The following CHST12 variants were observed in gnomAD, a reference collection of about 807,000 sequenced individuals.
The protein encoded by CHST12 is carbohydrate sulfotransferase 12, also known as carbohydrate (chondroitin 4) sulfotransferase 12.
CHST12 carries 23 observed loss-of-function variants against 27.9 expected under a neutral mutation model. That is an observed-to-expected ratio of 0.82 (90% CI 0.59 to 1.17). The LOEUF (loss-of-function observed/expected upper bound fraction) is 1.17, where lower values mean the gene tolerates loss of function less well. CHST12 is among the 50% of genes most tolerant of loss of function. CHST12 has a pLI of 0.00. For synonymous variants in CHST12, 322 were observed against 273.0 expected (o/e 1.18, Z -1.77); for missense variants, 682 against 603.0 (o/e 1.13, Z -1.37).
chr7:2,425,227 C>CAAAAA (rs34629622), intron 1 of CHST12, among the ~76,000 whole-genome samples: 1 of 136,952 alleles, frequency 7.3e-6, no homozygotes, highest in East Asian at 2.1e-4. Flanking sequence ...AAACAACAAA[C>CAAAAA]AAAAAAAAAA....
At chr7:2,426,942 G>A (rs1258600188) in intron 1 of CHST12, among the ~76,000 whole-genome samples, 1 of 152,120 alleles carries the variant, frequency 6.6e-6, no homozygotes, top group African/African-American at 2.4e-5. Context: ...AGTGAGCCAA[G>A]ATCATGCCAC....
rs1782428775 is a variant in CHST12, at chr7:2,434,633, G to T, written c.*749G>T. The T allele has an allele frequency of 6.7e-6, 1 of 149,100 alleles. No homozygotes were observed. The highest frequency in any genetic ancestry group is 1.4e-5 in the Non-Finnish European group (1 of 70,262). The allele number at this position is 149,100 out of a possible 1,614,324, so 9.2% of individuals were successfully genotyped here. A position where few individuals can be genotyped will look rare whatever the true frequency, so the allele number is the denominator to read the frequency against. On this transcript the variant is annotated 3_prime_UTR_variant, in exon 2 of 2. Coordinates refer to ENST00000618655, the MANE Select transcript of CHST12 (RefSeq NM_018641.5). The stretch of plus-strand genomic sequence containing the variant: ...AAAAAAAAATGAGTCGGGTGTGGTG[G>T]TGTGCACCTGTAGTCCCAGCTACTC...
rs907976449 is a variant in CHST12, at chr7:2,434,094, T to TCTCCC, written c.*215_*219dup. On this transcript the variant is annotated 3_prime_UTR_variant, in exon 2 of 2. Transcript: ENST00000618655. ...GGGAATGCTGGAGTAAAATATCCCC[T>TCTCCC]CTCCCCTCCGCCCGCCCACCCGCCC... The TCTCCC allele has an allele frequency of 4.7e-6, 2 of 424,766 alleles. No individual in the cohort carries two copies. The highest frequency in any genetic ancestry group is 8.5e-6 in the Non-Finnish European group (2 of 235,970). The allele number at this position is 424,766 out of a possible 1,614,324, so 26.3% of individuals were successfully genotyped here. A position where few individuals can be genotyped will look rare whatever the true frequency, so the allele number is the denominator to read the frequency against.
intron 1 of CHST12, among the ~76,000 whole-genome samples, chr7:2,410,074 G>A (rs1432058046): frequency 1.3e-5 from 2 of 152,088 alleles, no homozygotes; most frequent in Non-Finnish European, 2.9e-5. Flanking sequence ...GAGCCGCCAC[G>A]CCCGGCCGAG....
chr7:2,408,398 G>T (rs1326221015), intron 1 of CHST12, among the ~76,000 whole-genome samples: 1 of 146,026 alleles, frequency 6.8e-6, no homozygotes, highest in African/African-American at 2.5e-5. Context: ...AAAGATCCTT[G>T]CGTACCCTCT....
At chr7:2,419,350 A>C (rs890754406) in intron 1 of CHST12, among the ~76,000 whole-genome samples, 1 of 146,772 alleles carries the variant, frequency 6.8e-6, no homozygotes, top group African/African-American at 2.6e-5. Flanking sequence ...GCAGTGAGCC[A>C]AGATCACGCC....
At chr7:2,418,861 A>G (rs1320932835) in intron 1 of CHST12, among the ~76,000 whole-genome samples, 1 of 152,182 alleles carries the variant, frequency 6.6e-6, no homozygotes, top group Non-Finnish European at 1.5e-5. Context: ...CAACGGCACA[A>G]TCATAGCTTA....
Position 2,432,661 on chromosome 7 carries a change from C to T in CHST12, c.22C>T (p.Arg8Trp), listed in dbSNP as rs375672884. The T allele has an allele frequency of 2.5e-6, 4 of 1,609,850 alleles. No homozygotes were observed. Among genetic ancestry groups the T allele is most frequent in the African/African-American group, 1.3e-5 (1 of 75,000 alleles). MTKARLF[R>W]LWLVLGSVFM... Reference sequence around the variant, plus strand: ...CAGGATGACCAAGGCCCGGCTGTTCCGGCTGTGGCTGGTGCTGGGGTCGGT... The same window carrying T: ...CAGGATGACCAAGGCCCGGCTGTTCTGGCTGTGGCTGGTGCTGGGGTCGGT... Residue 8 changes from arginine (R) to tryptophan (W), a missense_variant, in exon 2 of 2, where the codon CGG becomes TGG. Coordinates refer to ENST00000618655, the MANE Select transcript of CHST12 (RefSeq NM_018641.5).
At chr7:2,431,556 G>A (rs1338395115) in intron 1 of CHST12, among the ~76,000 whole-genome samples, 1 of 152,172 alleles carries the variant, frequency 6.6e-6, no homozygotes, top group Non-Finnish European at 1.5e-5. Flanking sequence ...GCCAGGTGGG[G>A]TCAAGGCTTA....
chr7:2,428,717 G>A (rs1423158063), intron 1 of CHST12, among the ~76,000 whole-genome samples: 1 of 152,160 alleles, frequency 6.6e-6, no homozygotes, highest in Non-Finnish European at 1.5e-5. Context: ...AATATAGCAT[G>A]TGCATCAGTA....
rs542537613 is a variant in CHST12 at position 2,445,116 on chromosome 7, G to T, written c.*11232G>T. 1.3e-5 allele frequency: 2 copies of T among 152,296 alleles called. No homozygotes were observed. The highest frequency in any genetic ancestry group is 3.9e-4 in the East Asian group (2 of 5,166). 9.4% of individuals were successfully genotyped at this position (152,296 alleles called of 1,614,324 possible). ...TGAAAGTGGTCTGGGCTTCTAAAAG[G>T]TTTGATTGAAAACTGGTTTGGTTCT... On this transcript the variant is annotated 3_prime_UTR_variant, in exon 2 of 2. Coordinates refer to ENST00000618655, the MANE Select transcript of CHST12 (RefSeq NM_018641.5).
intron 1 of CHST12, among the ~76,000 whole-genome samples, chr7:2,412,833 A>G (rs1281512926): frequency 6.6e-6 from 1 of 152,170 alleles, no homozygotes; most frequent in African/African-American, 2.4e-5. Flanking sequence ...AGCCCTTAGA[A>G]CATCACTTTT....
intron 1 of CHST12, among the ~76,000 whole-genome samples, chr7:2,425,775 G>C (rs957792161): frequency 5.4e-5 from 8 of 149,246 alleles, no homozygotes; most frequent in Admixed American, 1.3e-4. Flanking sequence ...CTGTCTATTT[G>C]ATCTTTATTT....
chr7:2,437,090 A>G lies in CHST12; in HGVS notation c.*3206A>G, dbSNP rs1782492013. The G allele has an allele frequency of 6.6e-6, 1 of 152,278 alleles. No homozygotes were observed. Among genetic ancestry groups the G allele is most frequent in the African/African-American group, 2.4e-5 (1 of 41,474 alleles). The allele number at this position is 152,278 out of a possible 1,614,324, so 9.4% of individuals were successfully genotyped here. On this transcript the variant is annotated 3_prime_UTR_variant, in exon 2 of 2. Transcript: ENST00000618655. ...TTTTCTTTTTCCACTGAAACACAGC[A>G]AATTATACATTTTATGAAAATTGGC...
chr7:2,418,693 C>G (rs996460596), intron 1 of CHST12, among the ~76,000 whole-genome samples: 5 of 152,324 alleles, frequency 3.3e-5, no homozygotes, highest in African/African-American at 1.2e-4. Flanking sequence ...ATGCTTCTCT[C>G]CTGCCCAGAA....
chr7:2,408,302 C>G (rs952033174), intron 1 of CHST12, among the ~76,000 whole-genome samples: 1 of 139,438 alleles, frequency 7.2e-6, no homozygotes, highest in East Asian at 2.1e-4. Flanking sequence ...GCGGAGGTAA[C>G]GGTAAGTGGA....
At chr7:2,404,407 T>C (rs1781466515) in intron 1 of CHST12, among the ~76,000 whole-genome samples, 1 of 151,940 alleles carries the variant, frequency 6.6e-6, no homozygotes, top group Non-Finnish European at 1.5e-5. Context: ...GCCATAGTGT[T>C]TCCAGCATTA....
chr7:2,434,523 A>C lies in CHST12; in HGVS notation c.*639A>C, dbSNP rs577690840. The C allele has an allele frequency of 4.0e-4, 61 of 153,474 alleles. No homozygotes were observed. The highest frequency in any genetic ancestry group is 1.6e-3 in the African/African-American group (61 of 38,496). 9.5% of individuals were successfully genotyped at this position (153,474 alleles called of 1,614,324 possible). On this transcript the variant is annotated 3_prime_UTR_variant, in exon 2 of 2. Transcript: ENST00000618655. The stretch of plus-strand genomic sequence containing the variant: ...AACTTTGGGAGGCCCAGACAGAAGG[A>C]TCGCTTGAGGTCAGGAATTTGAGAC...
Position 2,432,777 on chromosome 7 carries a change from G to A in CHST12, c.138G>A (p.Gly46=). Residue 46 remains glycine, a synonymous_variant, in exon 2 of 2, where the codon GGG becomes GGA. Transcript: ENST00000618655. ...LHTSFSRPHT[G]PPLPTPGPDR... is the part of the protein sequence containing the mutation. ...CGTCCTTCTCTAGGCCGCACACGGG[G>A]CCGCCGCTGCCCACGCCCGGGCCGG... The A allele has an allele frequency of 5.6e-6, 9 of 1,613,688 alleles. No homozygotes were observed. Among genetic ancestry groups the A allele is most frequent in the Non-Finnish European group, 7.6e-6 (9 of 1,179,810 alleles).
Sources: gnomAD v4.1 joint callset for allele counts (sites outside exome capture counted in the v4.1 genomes callset) on GRCh38, gnomAD v4.1.1 for gene constraint, MANE v1.5 for transcripts, NCBI Gene and HGNC (gene_info 2026-07-23, HGNC 2026-07-21) for gene names.